The following REV1 variants were observed in gnomAD, a reference collection of about 807,000 sequenced individuals.
REV1 encodes the protein REV1 DNA directed polymerase, also known as translesion synthesis protein REV1.
In REV1, 42 loss-of-function variants were observed where a neutral mutation model predicts 137.4. The observed-to-expected ratio is 0.31, with a 90% CI of 0.24 to 0.40. The LOEUF is 0.40. Among genes scored for constraint, REV1 ranks in the 10% least tolerant of loss-of-function variants. The probability of loss-of-function intolerance (pLI) is 1.00; values close to 1 mark genes in which losing one functional copy is unlikely to be tolerated. For missense variants in REV1, 1,282 were observed against 1,490.1 expected, an observed-to-expected ratio of 0.86 and a Z score of 2.30; for synonymous variants, 524 against 519.2, an observed-to-expected ratio of 1.01 and a Z score of -0.12.
In REV1 at chr2:99,429,910, A is replaced by C. The variant is rs528473417; in HGVS notation, c.1477T>G (p.Ser493Ala). 1.7e-5 allele frequency: 28 copies of C among 1,602,568 alleles called. No homozygotes were observed. The East Asian group carries it at 5.7e-4, about 32-fold the overall frequency. Residue 493 changes from serine to alanine, a missense_variant, in exon 9 of 23, where the codon TCT becomes GCT. By Grantham distance (99) the Ser-to-Ala change is moderately conservative. Coordinates refer to ENST00000258428, the MANE Select transcript of REV1 (RefSeq NM_016316.4). ...GAATCAATTCCATTTGCTTGCGCAG[A>C]ATCTGGATTCTCCCACAATGATGAA... is the stretch of plus-strand genomic sequence containing the variant. ...PDSSLWENPDSAQANGIDSVL... is the reference protein window; with the variant it reads ...PDSSLWENPDAAQANGIDSVL...
intron 1 of REV1, among the ~76,000 whole-genome samples, chr2:99,468,256 A>G (rs1484851885): frequency 5.9e-5 from 9 of 152,176 alleles, no homozygotes; most frequent in Non-Finnish European, 1.2e-4. Flanking sequence ...GGATCTTCGA[A>G]AAAGAGACTC....
Position 99,462,564 on chromosome 2 carries a change from G to A in REV1, c.113C>T (p.Ala38Val). 6.2e-7 allele frequency: 1 copy of A among 1,613,468 alleles called. No individual in the cohort carries two copies. The highest frequency in any genetic ancestry group is 1.6e-4 in the Middle Eastern group (1 of 6,062). Residue 38 changes from alanine to valine, a missense_variant, in exon 3 of 23, where the codon GCT (alanine) becomes GTT (valine). This residue lies in a region of REV1 where 107 missense variants were observed against 164.3 expected (regional missense o/e 0.65). Coordinates refer to ENST00000258428, the MANE Select transcript of REV1 (RefSeq NM_016316.4). ...AGATGAAGTCCCATCCTTCTGCATA[G>A]CAGCATCTGATCGAAACTGTTCCTC... ...KLEEQFRSDAAMQKDGTSSTI... is the reference protein window; with the variant it reads ...KLEEQFRSDAVMQKDGTSSTI...
At chr2:99,457,133 G>A (rs1455156847) in intron 3 of REV1, among the ~76,000 whole-genome samples, 1 of 152,168 alleles carries the variant, frequency 6.6e-6, no homozygotes, top group Non-Finnish European at 1.5e-5. Flanking sequence ...CTAAGGCTTA[G>A]AGATTACTTT....
intron 12 of REV1, among the ~76,000 whole-genome samples, chr2:99,416,926 A>AAAAAAAAG (rs1677956711): frequency 4.0e-5 from 6 of 151,124 alleles, no homozygotes; most frequent in Admixed American, 2.0e-4. Flanking sequence ...AAAAAAAAAA[A>AAAAAAAAG]AAAAAAAGAA....
intron 4 of REV1, among the ~76,000 whole-genome samples, chr2:99,445,927 A>C (rs1232449106): frequency 6.6e-6 from 1 of 152,186 alleles, no homozygotes; most frequent in Admixed American, 6.5e-5. Context: ...AAAAACAAAA[A>C]CTAATTATTC....
intron 8 of REV1, chr2:99,431,657 G>A (rs1680149408): frequency 1.2e-6 from 1 of 851,208 alleles, no homozygotes; most frequent in Non-Finnish European, 1.4e-6. Context: ...CTTGAGGAGA[G>A]AACAGTCTCT....
intron 3 of REV1, among the ~76,000 whole-genome samples, chr2:99,456,417 G>T (rs541558020): frequency 1.3e-5 from 2 of 152,296 alleles, no homozygotes; most frequent in African/African-American, 4.8e-5. Flanking sequence ...TGGATAAGGG[G>T]TTAGAGAGCG....
At chr2:99,473,215 A>C (rs1685602018) in intron 1 of REV1, among the ~76,000 whole-genome samples, 1 of 152,138 alleles carries the variant, frequency 6.6e-6, no homozygotes, top group Non-Finnish European at 1.5e-5. Flanking sequence ...ATCCAAAAAA[A>C]ATATTAGCTG....
At position 99,432,021 on chromosome 2, in the gene REV1, G is replaced by A. The variant is rs950977292; in HGVS notation, c.1439-2073C>T. 3.7e-5 allele frequency: 20 copies of A among 536,052 alleles called. No individual in the cohort carries two copies. In the African/African-American group the frequency reaches 3.9e-4, roughly 10 times the overall value. The allele number at this position is 536,052 out of a possible 1,614,324, so 33.2% of individuals were successfully genotyped here. The stretch of plus-strand genomic sequence containing the variant: ...GTTGTTCTTTAGAATGAAAACTGAA[G>A]TTGTCGATGGGATAGAAAACATCTG... On this transcript the variant is annotated intron_variant, in intron 8 of 22. Transcript: ENST00000258428.
intron 5 of REV1, among the ~76,000 whole-genome samples, chr2:99,440,616 G>A (rs1207826603): frequency 6.6e-6 from 1 of 152,056 alleles, no homozygotes; most frequent in Non-Finnish European, 1.5e-5. Flanking sequence ...ATTAAAAGAA[G>A]AAAAAAAGAA....
At position 99,415,730 on chromosome 2, in the gene REV1, T is replaced by C. The variant is rs1677766257; in HGVS notation, c.1952-2779A>G. ...TATTAGTGCAGACTTTATGAATGCCTACATGATCATGGTGGTTCTCTGAAA... is the reference window on the plus strand; with the variant it reads ...TATTAGTGCAGACTTTATGAATGCCCACATGATCATGGTGGTTCTCTGAAA... On this transcript the variant is annotated intron_variant, in intron 12 of 22. Transcript: ENST00000258428. Among the ~76,000 whole-genome samples, 5 of 152,368 alleles carry C rather than the reference T, an allele frequency of 3.3e-5. No individual in the cohort carries two copies. In the South Asian group the frequency reaches 1.0e-3, roughly 32 times the overall value.
chr2:99,484,883 C>G (rs999845067), intron 1 of REV1, among the ~76,000 whole-genome samples: 1 of 152,128 alleles, frequency 6.6e-6, no homozygotes, highest in South Asian at 2.1e-4. Flanking sequence ...TCTTGTGTAA[C>G]CAGCCAAATA....
chr2:99,459,914 C>T (rs1429519299), intron 3 of REV1, among the ~76,000 whole-genome samples: 1 of 152,046 alleles, frequency 6.6e-6, no homozygotes, highest in Admixed American at 6.6e-5. Context: ...AATGGCTGAA[C>T]TGGGAGCTTT....
intron 1 of REV1, among the ~76,000 whole-genome samples, chr2:99,484,136 A>C (rs943282526): frequency 1.3e-5 from 2 of 152,162 alleles, no homozygotes; most frequent in South Asian, 2.1e-4. Flanking sequence ...AGAACACCAA[A>C]CACCACATGT....
intron 3 of REV1, among the ~76,000 whole-genome samples, chr2:99,450,114 T>C (rs1682751026): frequency 6.6e-6 from 1 of 152,098 alleles, no homozygotes; most frequent in Non-Finnish European, 1.5e-5. Context: ...GGCCAAAAAA[T>C]AAAGTCCAGC....
chr2:99,470,115 C>T (rs1203104396), intron 1 of REV1, among the ~76,000 whole-genome samples: 4 of 146,576 alleles, frequency 2.7e-5, no homozygotes, highest in Non-Finnish European at 4.5e-5. Context: ...AGCAAGACTC[C>T]ATCTCAAAAA....
rs781593266 is a variant in REV1 at position 99,406,109 on chromosome 2, A to G, written c.2615-3T>C. 1.2e-6 allele frequency: 2 copies of G among 1,607,572 alleles called. No individual in the cohort carries two copies. The highest frequency in any genetic ancestry group is 8.5e-7 in the Non-Finnish European group (1 of 1,176,924). ...CAGATCCACAGCAGCCCGAAATACTACAAAAAGAAAATATATAAAATAGCC... is the reference window on the plus strand; with the variant it reads ...CAGATCCACAGCAGCCCGAAATACTGCAAAAAGAAAATATATAAAATAGCC... On this transcript the variant is annotated splice_region_variant and splice_polypyrimidine_tract_variant and intron_variant, in intron 16 of 22. Transcript: ENST00000258428.
intron 1 of REV1, among the ~76,000 whole-genome samples, chr2:99,486,020 G>A (rs929717146): frequency 6.6e-6 from 1 of 152,216 alleles, no homozygotes; most frequent in African/African-American, 2.4e-5. Context: ...GGCTACTCGA[G>A]CGCCTGAGGC....
intron 1 of REV1, among the ~76,000 whole-genome samples, chr2:99,479,310 G>A (rs1472870730): frequency 3.0e-5 from 4 of 134,012 alleles, no homozygotes; most frequent in Non-Finnish European, 6.1e-5. Flanking sequence ...CTGGGTGACA[G>A]AGCGAGACTC....
Sources: allele counts gnomAD v4.1 joint callset (sites outside exome capture counted in the v4.1 genomes callset), GRCh38; gene constraint gnomAD v4.1.1; regional missense constraint gnomAD v4.1.1; transcripts MANE v1.5; gene names NCBI Gene and HGNC (gene_info 2026-07-23, HGNC 2026-07-21).